Variants in WIF1 observed in about 807,000 individuals in gnomAD.
The protein encoded by WIF1 is Wnt inhibitory factor 1.
In WIF1, 35 loss-of-function variants were observed where a neutral mutation model predicts 53.5. That is an observed-to-expected ratio of 0.65 (90% CI 0.50 to 0.87). The LOEUF (loss-of-function observed/expected upper bound fraction) is 0.87, where lower values mean the gene tolerates loss of function less well. Ranked by LOEUF, WIF1 falls within the 40% of genes least tolerant of loss-of-function variation. WIF1 has a pLI of 0.00. For synonymous variants in WIF1, 171 were observed against 170.4 expected, an observed-to-expected ratio of 1.00 and a Z score of -0.03; for missense variants, 467 against 476.8, an observed-to-expected ratio of 0.98 and a Z score of 0.19.
At chr12:65,102,373 C>A (rs1883294891) in intron 2 of WIF1, among the ~76,000 whole-genome samples, 1 of 152,076 alleles carries the variant, frequency 6.6e-6, no homozygotes, top group Non-Finnish European at 1.5e-5. Flanking sequence ...GTCTGATGGC[C>A]CTTAAGAGCC....
At chr12:65,086,870 A>C (rs1883046982) in intron 2 of WIF1, among the ~76,000 whole-genome samples, 1 of 152,038 alleles carries the variant, frequency 6.6e-6, no homozygotes. Flanking sequence ...TTGGCTGGGC[A>C]TGGTGGCTCA....
At chr12:65,071,099 T>C (rs1882765346) in intron 3 of WIF1, among the ~76,000 whole-genome samples, 1 of 151,734 alleles carries the variant, frequency 6.6e-6, no homozygotes, top group Admixed American at 6.6e-5. Flanking sequence ...GCCGGTGTGT[T>C]GGCATATATC....
chr12:65,082,566 C>T (rs918306202), intron 2 of WIF1, among the ~76,000 whole-genome samples: 3 of 152,072 alleles, frequency 2.0e-5, no homozygotes, highest in Non-Finnish European at 4.4e-5. Context: ...ATAAAAGACA[C>T]CCAAATATTA....
intron 3 of WIF1, among the ~76,000 whole-genome samples, chr12:65,074,952 A>G (rs1289576153): frequency 1.3e-5 from 2 of 152,050 alleles, no homozygotes; most frequent in African/African-American, 2.4e-5. Flanking sequence ...TCTCTTCTCC[A>G]CAAGGTAATA....
intron 2 of WIF1, among the ~76,000 whole-genome samples, chr12:65,106,611 G>A (rs1246454800): frequency 6.6e-6 from 1 of 152,084 alleles, no homozygotes; most frequent in Non-Finnish European, 1.5e-5. Flanking sequence ...CTCCCAAAGT[G>A]TTGGGATTAC....
chr12:65,098,056 G>T (rs1405106928), intron 2 of WIF1, among the ~76,000 whole-genome samples: 2 of 152,104 alleles, frequency 1.3e-5, no homozygotes, highest in African/African-American at 4.8e-5. Flanking sequence ...GCACATCAGG[G>T]TTAGTACATG....
intron 2 of WIF1, among the ~76,000 whole-genome samples, chr12:65,092,344 A>C (rs1883134995): frequency 6.6e-6 from 1 of 151,752 alleles, no homozygotes; most frequent in Admixed American, 6.6e-5. Context: ...TGACGGGTTG[A>C]TGGGTGCAGC....
intron 2 of WIF1, among the ~76,000 whole-genome samples, chr12:65,099,688 C>T: frequency 6.6e-6 from 1 of 152,198 alleles, no homozygotes; most frequent in South Asian, 2.1e-4. Context: ...TCCTCTTCTT[C>T]CTCTTGGATA....
intron 2 of WIF1, among the ~76,000 whole-genome samples, chr12:65,106,137 T>A (rs762859001): frequency 6.6e-6 from 1 of 152,122 alleles, no homozygotes; most frequent in Non-Finnish European, 1.5e-5. Context: ...AATTAGCTGG[T>A]CTTTGCAAGG....
chr12:65,062,940 T>C (rs1882635635), intron 6 of WIF1, among the ~76,000 whole-genome samples: 1 of 151,954 alleles, frequency 6.6e-6, no homozygotes, highest in Admixed American at 6.6e-5. Flanking sequence ...GTTTAGAGGA[T>C]AAGAGAAGAG....
chr12:65,107,395 T>A (rs1001564505), intron 2 of WIF1, among the ~76,000 whole-genome samples: 3 of 152,092 alleles, frequency 2.0e-5, no homozygotes, highest in Non-Finnish European at 2.9e-5. Context: ...GAGGCCAAGG[T>A]GGACTAATCA....
chr12:65,069,209 G>A (rs1882735090), intron 3 of WIF1, among the ~76,000 whole-genome samples: 1 of 152,146 alleles, frequency 6.6e-6, no homozygotes, highest in Non-Finnish European at 1.5e-5. Flanking sequence ...AATTAAAGAT[G>A]GAAAGAAGAA....
intron 2 of WIF1, among the ~76,000 whole-genome samples, chr12:65,111,816 G>A (rs1039858651): frequency 3.9e-5 from 6 of 152,170 alleles, no homozygotes; most frequent in African/African-American, 1.4e-4. Context: ...CCTTTCTCAT[G>A]CTGCCAGCTT....
At chr12:65,057,531 G>C (rs1882547497) in intron 7 of WIF1, among the ~76,000 whole-genome samples, 1 of 152,184 alleles carries the variant, frequency 6.6e-6, no homozygotes, top group Non-Finnish European at 1.5e-5. Flanking sequence ...ACCTAGAGCT[G>C]AAACCACATC....
chr12:65,115,174 T>TA (rs35429732), intron 2 of WIF1, among the ~76,000 whole-genome samples: 17,599 of 106,606 alleles, frequency 0.17, 1,749 homozygotes, highest in African/African-American at 0.31. Flanking sequence ...TTGTCATTGC[T>TA]AAAAAAAAAA....
At chr12:65,112,912 C>T (rs1465790453) in intron 2 of WIF1, among the ~76,000 whole-genome samples, 4 of 152,222 alleles carry the variant, frequency 2.6e-5, no homozygotes, top group Admixed American at 2.6e-4. Flanking sequence ...TCCCTTCCTT[C>T]CCCAGGCAGG....
At chr12:65,088,406 C>T (rs1297321224) in intron 2 of WIF1, among the ~76,000 whole-genome samples, 3 of 152,092 alleles carry the variant, frequency 2.0e-5, no homozygotes, top group Admixed American at 6.6e-5. Flanking sequence ...GAGACTGGCC[C>T]CATCATTTAT....
chr12:65,121,290 A>G lies in WIF1; in HGVS notation c.-99T>C, dbSNP rs924384590. ...CTGCTGCGCTGCAGCTCCCTCAGCC[A>G]GGGCTGTTCCCGTTTAGACGGCTGG... On this transcript the variant is annotated 5_prime_UTR_variant, in exon 1 of 10. Transcript: ENST00000286574. 1.5e-5 allele frequency: 20 copies of G among 1,300,644 alleles called. No homozygotes were observed. The highest frequency in any genetic ancestry group is 2.2e-5 in the South Asian group (1 of 45,700). The allele number at this position is 1,300,644 out of a possible 1,614,324, so 80.6% of individuals were successfully genotyped here.
intron 2 of WIF1, among the ~76,000 whole-genome samples, chr12:65,111,778 A>T (rs529939565): frequency 6.6e-6 from 1 of 152,338 alleles, no homozygotes; most frequent in African/African-American, 2.4e-5. Flanking sequence ...GTTCTGGCCC[A>T]GGGCAGCTAA....
Sources: gnomAD v4.1 joint callset for allele counts (sites outside exome capture counted in the v4.1 genomes callset) on GRCh38, gnomAD v4.1.1 for gene constraint, MANE v1.5 for transcripts, NCBI Gene and HGNC (gene_info 2026-07-23, HGNC 2026-07-21) for gene names.